The following TBC1D22A variants were observed in gnomAD, a reference collection of about 807,000 sequenced individuals.
The protein encoded by TBC1D22A is putative GTPase activator.
Under a neutral mutation model 60.2 loss-of-function variants are expected in TBC1D22A, and 38 were observed. The ratio of observed to expected loss-of-function variants is 0.63; its 90% CI spans 0.49 to 0.83. The LOEUF (loss-of-function observed/expected upper bound fraction) is 0.83. TBC1D22A is among the 40% of genes least tolerant of loss of function. The pLI, the probability that TBC1D22A is intolerant of heterozygous loss-of-function variation, is 0.00. For synonymous variants in TBC1D22A, 302 were observed against 281.7 expected (o/e 1.07, Z -0.72); for missense variants, 628 against 701.0 (o/e 0.90, Z 1.18).
At chr22:46,898,687 GTTGTCCATTTACAC>G (rs1235024410) in intron 7 of TBC1D22A, among the ~76,000 whole-genome samples, 1 of 152,192 alleles carries the variant, frequency 6.6e-6, no homozygotes, top group Non-Finnish European at 1.5e-5. Context: ...GTGAACATAA[GTTGTCCATTTACAC>G]TGCCATGGTG....
intron 11 of TBC1D22A, among the ~76,000 whole-genome samples, chr22:47,078,306 CGTGA>C (rs1369737751): frequency 6.6e-6 from 1 of 152,086 alleles, no homozygotes; most frequent in African/African-American, 2.4e-5. Flanking sequence ...CCTGGATGGA[CGTGA>C]GTATGTTTCA....
intron 11 of TBC1D22A, among the ~76,000 whole-genome samples, chr22:47,099,085 G>T (rs1160058533): frequency 6.6e-6 from 1 of 152,250 alleles, no homozygotes; most frequent in Non-Finnish European, 1.5e-5. Flanking sequence ...TGCCAAGGCT[G>T]CTGCAGAGGT....
intron 4 of TBC1D22A, among the ~76,000 whole-genome samples, chr22:46,838,885 G>A (rs2086632388): frequency 1.3e-5 from 2 of 152,052 alleles, no homozygotes; most frequent in South Asian, 4.1e-4. Flanking sequence ...AATAAATCAG[G>A]TATAGAAGGA....
At chr22:47,155,223 A>G (rs2147185426) in intron 12 of TBC1D22A, among the ~76,000 whole-genome samples, 1 of 152,106 alleles carries the variant, frequency 6.6e-6, no homozygotes, top group South Asian at 2.1e-4. Flanking sequence ...GGAAAAAAAA[A>G]AAATGAAATG....
chr22:46,898,639 C>A (rs762649), intron 7 of TBC1D22A, among the ~76,000 whole-genome samples: 88,093 of 151,908 alleles, frequency 0.58, 27,740 homozygotes, highest in Middle Eastern at 0.79. Context: ...AGGGAACAAT[C>A]AGATATGCAT....
intron 1 of TBC1D22A, among the ~76,000 whole-genome samples, chr22:46,785,082 CT>C (rs1207639256): frequency 6.6e-6 from 1 of 152,222 alleles, no homozygotes; most frequent in African/African-American, 2.4e-5. Flanking sequence ...TTCCCACCCC[CT>C]GGCATAGAGC....
intron 11 of TBC1D22A, among the ~76,000 whole-genome samples, 186 bp downstream of exon 11, chr22:47,037,384 CT>C (rs1174989655): frequency 2.0e-5 from 3 of 152,168 alleles, no homozygotes. Context: ...AATCCTAGCA[CT>C]TTGGGAGGCC....
intron 10 of TBC1D22A, among the ~76,000 whole-genome samples, chr22:47,007,889 A>G (rs2061640415): frequency 6.6e-6 from 1 of 152,220 alleles, no homozygotes; most frequent in Non-Finnish European, 1.5e-5. Context: ...ATTTTGGGGA[A>G]ACACTAACAT....
intron 11 of TBC1D22A, among the ~76,000 whole-genome samples, chr22:47,090,103 G>T (rs1202797722): frequency 6.6e-6 from 1 of 152,152 alleles, no homozygotes; most frequent in Non-Finnish European, 1.5e-5. Flanking sequence ...GGGGTGGGGG[G>T]GCGGTCCTCA....
At chr22:47,121,713 A>AT (rs111298878) in intron 12 of TBC1D22A, among the ~76,000 whole-genome samples, 10 of 151,214 alleles carry the variant, frequency 6.6e-5, no homozygotes, top group African/African-American at 2.0e-4. Flanking sequence ...TTTGAAAAAA[A>AT]ATTTTTTTTT....
At chr22:47,104,208 A>G (rs1485237908) in intron 11 of TBC1D22A, among the ~76,000 whole-genome samples, 1 of 152,174 alleles carries the variant, frequency 6.6e-6, no homozygotes, top group East Asian at 1.9e-4. Flanking sequence ...TGGGAGGCTG[A>G]GGCAGGAGAA....
intron 12 of TBC1D22A, among the ~76,000 whole-genome samples, chr22:47,170,687 G>A (rs2068401732): frequency 6.7e-6 from 1 of 149,604 alleles, no homozygotes; most frequent in Non-Finnish European, 1.5e-5. Context: ...ACCAGAGAGA[G>A]GACAGTCCTG....
intron 8 of TBC1D22A, among the ~76,000 whole-genome samples, chr22:46,971,656 T>C (rs908439862): frequency 1.3e-5 from 2 of 152,228 alleles, no homozygotes; most frequent in African/African-American, 4.8e-5. Context: ...GGGGCTGGAC[T>C]TGGAGTCGAG....
intron 4 of TBC1D22A, among the ~76,000 whole-genome samples, chr22:46,798,965 G>A (rs1569051582): frequency 6.6e-6 from 1 of 152,190 alleles, no homozygotes; most frequent in Non-Finnish European, 1.5e-5. Flanking sequence ...AGGGCTCTTG[G>A]AAGGTCTCCT....
At chr22:46,872,576 A>G (rs2067341609) in intron 4 of TBC1D22A, among the ~76,000 whole-genome samples, 1 of 152,228 alleles carries the variant, frequency 6.6e-6, no homozygotes. Flanking sequence ...CCTGTGAGAT[A>G]GGAGATAAGT....
At chr22:47,143,434 C>T (rs183507859) in intron 12 of TBC1D22A, among the ~76,000 whole-genome samples, 156 of 152,342 alleles carry the variant, frequency 1.0e-3, no homozygotes, top group African/African-American at 3.5e-3. Context: ...GAAGCCCTGC[C>T]GCGCTGGCTA....
At chr22:47,005,893 C>A (rs1438743189) in intron 10 of TBC1D22A, among the ~76,000 whole-genome samples, 3 of 151,472 alleles carry the variant, frequency 2.0e-5, no homozygotes. Context: ...ACCTCCTACA[C>A]ACATCTATAC....
chr22:47,172,591 T>C (rs1684062626), intron 12 of TBC1D22A, among the ~76,000 whole-genome samples: 2 of 152,260 alleles, frequency 1.3e-5, no homozygotes, highest in African/African-American at 2.4e-5. Flanking sequence ...ACCTGAATTT[T>C]AAGAGTCTGA....
At chr22:46,875,677 C>G (rs557915702) in intron 4 of TBC1D22A, among the ~76,000 whole-genome samples, 15 of 152,138 alleles carry the variant, frequency 9.9e-5, no homozygotes, top group Non-Finnish European at 2.2e-4. Context: ...GTCTTGAGCT[C>G]CTGACCTCAG....
Sources: allele counts gnomAD v4.1 joint callset (sites outside exome capture counted in the v4.1 genomes callset), GRCh38; gene constraint gnomAD v4.1.1; transcripts MANE v1.5; gene names NCBI Gene and HGNC (gene_info 2026-07-23, HGNC 2026-07-21).